Variants in ADGRG5 observed in about 807,000 individuals in gnomAD.
The protein encoded by ADGRG5 is adhesion G protein-coupled receptor G5, also known as G protein-coupled receptor 114.
A neutral mutation model predicts 53.2 loss-of-function variants in ADGRG5; 37 were observed. That is an observed-to-expected ratio of 0.70 (90% CI 0.53 to 0.91). The LOEUF (loss-of-function observed/expected upper bound fraction) is 0.91, where lower values mean the gene tolerates loss of function less well. ADGRG5 is among the 40% of genes least tolerant of loss of function. ADGRG5 has a pLI of 0.00. For synonymous variants in ADGRG5, 277 were observed against 290.4 expected (o/e 0.95, Z 0.47); for missense variants, 614 against 675.8 (o/e 0.91, Z 1.01).
upstream of ADGRG5, among the ~76,000 whole-genome samples, chr16:57,538,375 C>T (rs1452835579): frequency 6.6e-6 from 1 of 152,082 alleles, no homozygotes; most frequent in Non-Finnish European, 1.5e-5. Flanking sequence ...GAAGCCAAAG[C>T]GGGAGGATCG....
rs140917718 is a variant in ADGRG5 at position 57,568,070 on chromosome 16, G to C, written c.1036G>C (p.Val346Leu). Residue 346 changes from valine (V) to leucine (L), a missense_variant, in exon 9 of 12, where the codon GTC (valine) becomes CTC (leucine). Val to Leu is a conservative substitution (Grantham distance 32). Coordinates refer to ENST00000349457, the MANE Select transcript of ADGRG5 (RefSeq NM_001304376.3). ...GFNLYLLLGR[V>L]YNIYIRRYVF... ...CAACCTCTACCTCCTCCTCGGGCGT[G>C]TCTACAACATCTACATCCGCAGATA... is the stretch of plus-strand genomic sequence containing the variant. 7.2e-3 allele frequency: 11,676 copies of C among 1,613,994 alleles called. 66 individuals carry two copies. Among genetic ancestry groups the C allele is most frequent in the Non-Finnish European group, 8.6e-3 (10,122 of 1,179,938 alleles).
At chr16:57,566,831 C>A in intron 7 of ADGRG5, 80 bp downstream of exon 7, 1 of 1,259,318 alleles carries the variant, frequency 7.9e-7, no homozygotes, top group Non-Finnish European at 1.0e-6. Flanking sequence ...AAAGCTGGTG[C>A]AAGGGACAGA....
chr16:57,575,306 C>A, intron 11 of ADGRG5, 132 bp from the exon 12 acceptor site: 1 of 960,234 alleles, frequency 1.0e-6, no homozygotes, highest in Non-Finnish European at 1.6e-6. Context: ...CTCTGCCCCT[C>A]TGGCCTCCTA....
chr16:57,563,740 G>A lies in ADGRG5; in HGVS notation c.298-108G>A, dbSNP rs530687675. ...GCAGCCTGGGGGGAGAAGGTTCTGT[G>A]GGTGGAAACCCCAAGGAAGGTTTCA... On this transcript the variant is annotated intron_variant, in intron 4 of 11. Transcript: ENST00000349457. 33 of 1,410,104 alleles carry A rather than the reference G, an allele frequency of 2.3e-5. 1 individual carries two copies. The South Asian group carries it at 3.8e-4, about 16-fold the overall frequency. The allele number at this position is 1,410,104 out of a possible 1,614,324, so 87.3% of individuals were successfully genotyped here.
chr16:57,567,640 C>T lies in ADGRG5; in HGVS notation c.821+49C>T, dbSNP rs188260120. The stretch of plus-strand genomic sequence containing the variant: ...GCCTGCCCTGCACTGTGGCACATCA[C>T]GCTTCCTTGTGTCCCATTTAGTCCA... On this transcript the variant is annotated intron_variant, in intron 8 of 11. Coordinates refer to ENST00000349457, the MANE Select transcript of ADGRG5 (RefSeq NM_001304376.3). 2.2e-3 allele frequency: 3,424 copies of T among 1,592,472 alleles called. 6 individuals carry two copies. The highest frequency in any genetic ancestry group is 2.8e-3 in the Non-Finnish European group (3,233 of 1,171,770).
chr16:57,555,957 C>G (rs745497975), intron 1 of ADGRG5, among the ~76,000 whole-genome samples: 1 of 151,974 alleles, frequency 6.6e-6, no homozygotes, highest in Non-Finnish European at 1.5e-5. Flanking sequence ...GCACTTCCCC[C>G]TTCTCTCTCT....
rs750862917 is a variant in ADGRG5 at position 57,566,653 on chromosome 16, TG to T, written c.608del (p.Gly203AlafsTer62). On this transcript the variant is annotated frameshift_variant, in exon 7 of 12. Coordinates refer to ENST00000349457, the MANE Select transcript of ADGRG5 (RefSeq NM_001304376.3). LOFTEE classifies it high-confidence loss of function. The stretch of plus-strand genomic sequence containing the variant: ...GAAGGAGGGAGCCAGGAAACAGCCC[TG>T]GGGGGGCTGGAGCCCTGAGGGCTGT... Reference protein sequence around the residue: ...FWKEGARKQPWGGWSPEGCRT... With the variant: ...FWKEGARKQPXGGWSPEGCRT... 1.1e-5 allele frequency: 17 copies of T among 1,589,322 alleles called. No homozygotes were observed. Among genetic ancestry groups the T allele is most frequent in the Non-Finnish European group, 1.2e-5 (14 of 1,168,892 alleles).
Position 57,562,086 on chromosome 16 carries a change from C to T in ADGRG5, c.-8C>T, listed in dbSNP as rs751234732. The T allele has an allele frequency of 1.2e-5, 18 of 1,551,992 alleles. No individual in the cohort carries two copies. The highest frequency in any genetic ancestry group is 2.3e-5 in the East Asian group (1 of 43,700). On this transcript the variant is annotated 5_prime_UTR_variant, in exon 2 of 12. Transcript: ENST00000349457. Reference sequence around the variant, plus strand: ...GAGCCAGTTCTTGGAGGAGACTCTGCACAGGGCATGGATCACTGTGGTGCC... The same window carrying T: ...GAGCCAGTTCTTGGAGGAGACTCTGTACAGGGCATGGATCACTGTGGTGCC...
the ADGRG5 span, among the ~76,000 whole-genome samples, chr16:57,532,440 G>GT: frequency 2.0e-5 from 3 of 152,300 alleles, no homozygotes; most frequent in South Asian, 6.2e-4. Context: ...CGCCTGTGCA[G>GT]TGAGCTGGCT....
At position 57,575,782 on chromosome 16, in the gene ADGRG5, C is replaced by T. The variant is rs2033501510; in HGVS notation, c.*244C>T. 2.0e-6 allele frequency: 1 copy of T among 497,586 alleles called. No individual in the cohort carries two copies. Among genetic ancestry groups the T allele is most frequent in the Non-Finnish European group, 3.7e-6 (1 of 273,024 alleles). 30.8% of individuals were successfully genotyped at this position (497,586 alleles called of 1,614,324 possible). ...TGGGGCAGCAAACTTTGTCCTGGTA[C>T]CTGGGCCCAGCTCGCCAGGGATGTG... On this transcript the variant is annotated 3_prime_UTR_variant, in exon 12 of 12. Transcript: ENST00000349457.
intron 1 of ADGRG5, among the ~76,000 whole-genome samples, chr16:57,561,813 G>A (rs1321125888): frequency 2.6e-5 from 4 of 152,232 alleles, no homozygotes; most frequent in African/African-American, 9.6e-5. Context: ...AGTGTATCAG[G>A]CGGAGCTGCT....
chr16:57,560,374 G>A (rs1382824814), intron 1 of ADGRG5, among the ~76,000 whole-genome samples: 1 of 152,254 alleles, frequency 6.6e-6, no homozygotes, highest in East Asian at 1.9e-4. Context: ...CCATTCAAGA[G>A]AGGAGCACTA....
rs191100546 is a variant in ADGRG5 at position 57,565,885 on chromosome 16, C to T, written c.547-714C>T. 270 of 152,460 alleles carry T rather than the reference C, an allele frequency of 1.8e-3. 2 individuals are homozygous for T. Among genetic ancestry groups the T allele is most frequent in the Admixed American group, 3.6e-3 (55 of 15,296 alleles). 9.4% of individuals were successfully genotyped at this position (152,460 alleles called of 1,614,324 possible). Reference sequence around the variant, plus strand: ...TGGTTCCTGGCATTCCTGAAAAGCCCGGAGCCTCTGCTTTCTGGCTTCATC... The same window carrying T: ...TGGTTCCTGGCATTCCTGAAAAGCCTGGAGCCTCTGCTTTCTGGCTTCATC... On this transcript the variant is annotated intron_variant, in intron 6 of 11. Coordinates refer to ENST00000349457, the MANE Select transcript of ADGRG5 (RefSeq NM_001304376.3).
chr16:57,548,777 G>A (rs1598093361), intron 1 of ADGRG5, among the ~76,000 whole-genome samples: 1 of 139,882 alleles, frequency 7.1e-6, no homozygotes, highest in Admixed American at 7.4e-5. Flanking sequence ...CAAGTTGTGT[G>A]TGTCAGTAGC....
intron 1 of ADGRG5, among the ~76,000 whole-genome samples, chr16:57,544,877 T>A (rs2032580477): frequency 6.6e-6 from 1 of 152,160 alleles, no homozygotes; most frequent in Admixed American, 6.5e-5. Context: ...GCTCAAGTAA[T>A]CCTCTCATCT....
intron 1 of ADGRG5, among the ~76,000 whole-genome samples, chr16:57,551,543 A>T (rs1365631703): frequency 1.3e-5 from 2 of 152,182 alleles, no homozygotes; most frequent in Non-Finnish European, 2.9e-5. Flanking sequence ...CATCCATTCA[A>T]GTTTGATCAT....
intron 3 of ADGRG5, 125 bp from the exon 4 acceptor site, chr16:57,562,966 G>T: frequency 1.2e-6 from 1 of 827,462 alleles, no homozygotes; most frequent in Non-Finnish European, 2.0e-6. Context: ...GTGTGCAGTG[G>T]TCTGGAGGTG....
At chr16:57,540,624 A>G (rs1295051509), upstream of ADGRG5, among the ~76,000 whole-genome samples, 1 of 152,144 alleles carries the variant, frequency 6.6e-6, no homozygotes, top group Non-Finnish European at 1.5e-5. Context: ...TGGAGCCCTG[A>G]TGGGTGGAGA....
At chr16:57,558,291 A>C (rs2032926494) in intron 1 of ADGRG5, among the ~76,000 whole-genome samples, 1 of 152,138 alleles carries the variant, frequency 6.6e-6, no homozygotes, top group Non-Finnish European at 1.5e-5. Flanking sequence ...TGTTGTTGCT[A>C]TAGTTACCTT....
Sources: allele counts gnomAD v4.1 joint callset (sites outside exome capture counted in the v4.1 genomes callset), GRCh38; gene constraint gnomAD v4.1.1; transcripts MANE v1.5; gene names NCBI Gene and HGNC (gene_info 2026-07-23, HGNC 2026-07-21).